The following ATM variants were observed in gnomAD, a reference collection of about 807,000 sequenced individuals.
ATM encodes the protein ATM serine/threonine kinase, also known as serine-protein kinase ATM.
A neutral mutation model predicts 387.0 loss-of-function variants in ATM; 308 were observed. The observed-to-expected ratio is 0.80, with a 90% confidence interval of 0.73 to 0.87. ATM has a LOEUF of 0.87. Ranked by LOEUF, ATM falls within the 40% of genes least tolerant of loss-of-function variation. ATM has a pLI of 0.00. For synonymous variants in ATM, 1,156 were observed against 1,187.3 expected, an observed-to-expected ratio of 0.97 and a Z score of 0.54; for missense variants, 3,312 against 3,560.9, an observed-to-expected ratio of 0.93 and a Z score of 1.78.
Position 108,250,834 on chromosome 11 carries a change from C to G in ATM, c.1369C>G (p.Arg457Gly), listed in dbSNP as rs749036865. Residue 457 changes from arginine (R) to glycine (G), a missense_variant, in exon 10 of 63, where the codon CGA (arginine) becomes GGA (glycine). Physicochemically the swap from Arg to Gly is moderately radical, Grantham distance 125. This residue lies in a region of ATM where 1,791 missense variants were observed against 1,804.5 expected (regional missense o/e 0.99). Coordinates refer to ENST00000675843, the MANE Select transcript of ATM (RefSeq NM_000051.4). ...RHGERTPYVLRCLTEVALCQD... is the reference protein window; with the variant it reads ...RHGERTPYVLGCLTEVALCQD... ...TGGGGAACGTACACCATATGTGTTA[C>G]GATGCCTTACGGAAGTTGCATTGTG... is the stretch of plus-strand genomic sequence containing the variant. 1.2e-6 allele frequency: 2 copies of G among 1,614,072 alleles called. No homozygotes were observed. Among genetic ancestry groups the G allele is most frequent in the East Asian group, 2.2e-5 (1 of 44,886 alleles).
intron 17 of ATM, among the ~76,000 whole-genome samples, chr11:108,267,850 T>A (rs2081347798): frequency 6.6e-6 from 1 of 152,202 alleles, no homozygotes; most frequent in Admixed American, 6.5e-5. Context: ...AGAGCGAGAC[T>A]CCGTCTCAAA....
chr11:108,343,105 A>G (rs1375256754), intron 56 of ATM, 117 bp from the exon 57 acceptor site: 15 of 1,311,090 alleles, frequency 1.1e-5, no homozygotes, highest in Non-Finnish European at 1.6e-5. Flanking sequence ...CTATGGACAG[A>G]GAAATATTAA....
intron 32 of ATM, chr11:108,295,267 T>C (rs1299368940): frequency 4.9e-6 from 3 of 609,126 alleles, no homozygotes; most frequent in African/African-American, 1.9e-5. Context: ...CTCTGCCAGA[T>C]GATTTCTCTA....
intron 32 of ATM, chr11:108,295,434 C>T: frequency 4.1e-6 from 1 of 242,900 alleles, no homozygotes; most frequent in Non-Finnish European, 8.0e-6. Context: ...ACAAGGAATT[C>T]TCCTGTCTCA....
intron 57 of ATM, 103 bp from the exon 58 acceptor site, chr11:108,345,640 T>C (rs1445509638): frequency 3.1e-6 from 3 of 959,758 alleles, no homozygotes; most frequent in Non-Finnish European, 4.5e-6. Flanking sequence ...ATCCTGTTCA[T>C]CTTTATTGCC....
chr11:108,329,486 C>T (rs565208715), intron 49 of ATM, among the ~76,000 whole-genome samples: 17 of 152,066 alleles, frequency 1.1e-4, no homozygotes, highest in African/African-American at 3.6e-4. Flanking sequence ...TGTACTCCAG[C>T]TCACTGCAAC....
chr11:108,272,360 C>G (rs1285050708), intron 20 of ATM, among the ~76,000 whole-genome samples, 172 bp from the exon 21 acceptor site: 1 of 152,118 alleles, frequency 6.6e-6, no homozygotes, highest in African/African-American at 2.4e-5. Flanking sequence ...ACACTAATTT[C>G]TTTTAGCTTG....
chr11:108,366,888 A>G lies in ATM; in HGVS notation c.*1380A>G, dbSNP rs2137986301. The G allele has an allele frequency of 4.4e-6, 1 of 228,348 alleles. No homozygotes were observed. Among genetic ancestry groups the G allele is most frequent in the South Asian group, 1.8e-4 (1 of 5,514 alleles). The allele number at this position is 228,348 out of a possible 1,614,324, so 14.1% of individuals were successfully genotyped here. On this transcript the variant is annotated 3_prime_UTR_variant, in exon 63 of 63. Transcript: ENST00000675843. ...GCAAGCCCTGGGTTCTTTGCTCCCC[A>G]TATAGATGTCTAAGCTAAAAGCCGT...
At chr11:108,245,685 C>G (rs4987923) in intron 7 of ATM, among the ~76,000 whole-genome samples, 1,886 of 152,162 alleles carry the variant, frequency 0.012, 19 homozygotes, top group Non-Finnish European at 0.021. Context: ...GGAGTTTCCT[C>G]TTGCTCTGTC....
At chr11:108,268,373 C>G (rs367589897) in intron 17 of ATM, 37 bp from the exon 18 acceptor site, 86 of 1,590,628 alleles carry the variant, frequency 5.4e-5, no homozygotes, top group Non-Finnish European at 7.1e-5. Flanking sequence ...GCTGTTGTGC[C>G]CTTCTCTTAG....
Position 108,249,218 on chromosome 11 carries a change from C to CCAAACCTATTA in ATM, c.1235+118_1235+128dup, listed in dbSNP as rs2080010259. ...CCAGAACTAAGTCATTTGTCTACCC[C>CCAAACCTATTA]CAAACCTATTACTAGCAAAGGGATA... is the stretch of plus-strand genomic sequence containing the variant. On this transcript the variant is annotated intron_variant, in intron 9 of 62. Transcript: ENST00000675843. 2.5e-6 allele frequency: 3 copies of CCAAACCTATTA among 1,190,512 alleles called. No individual in the cohort carries two copies. In the Admixed American group the frequency reaches 5.3e-5, roughly 21 times the overall value. 73.7% of individuals were successfully genotyped at this position (1,190,512 alleles called of 1,614,324 possible). A position where few individuals can be genotyped will look rare whatever the true frequency, so the allele number is the denominator to read the frequency against.
intron 61 of ATM, among the ~76,000 whole-genome samples, chr11:108,360,294 G>T (rs1463654776): frequency 6.6e-6 from 1 of 152,054 alleles, no homozygotes; most frequent in Non-Finnish European, 1.5e-5. Context: ...TGAAATTGTG[G>T]CAATAATCAA....
At chr11:108,276,896 C>T (rs1300705321) in intron 22 of ATM, among the ~76,000 whole-genome samples, 1 of 152,186 alleles carries the variant, frequency 6.6e-6, no homozygotes, top group Non-Finnish European at 1.5e-5. Flanking sequence ...GAGCGCTGTG[C>T]TGGGAGATCC....
At chr11:108,272,111 G>A (rs2081615429) in intron 20 of ATM, among the ~76,000 whole-genome samples, 4 of 152,176 alleles carry the variant, frequency 2.6e-5, no homozygotes, top group Non-Finnish European at 4.4e-5. Context: ...CTGACCTCAA[G>A]TGATCTGCCC....
intron 48 of ATM, 50 bp from the exon 49 acceptor site, chr11:108,328,971 T>A (rs762458404): frequency 6.6e-7 from 1 of 1,514,206 alleles, no homozygotes; most frequent in Admixed American, 1.7e-5. Context: ...ATTCTTTAGA[T>A]GTATTTAGTA....
At chr11:108,288,501 CTT>C (rs35604622) in intron 27 of ATM, among the ~76,000 whole-genome samples, 12 of 126,676 alleles carry the variant, frequency 9.5e-5, no homozygotes, top group African/African-American at 9.1e-5. Context: ...ATATGCTTTA[CTT>C]TTTTTTTTTT....
At chr11:108,301,837 A>T in intron 35 of ATM, 48 bp downstream of exon 35, 4 of 1,597,148 alleles carry the variant, frequency 2.5e-6, no homozygotes, top group Non-Finnish European at 3.4e-6. Context: ...TATCTAAAAC[A>T]GTTCTGTTTG....
rs1472521711 is a variant in ATM, at chr11:108,251,119, G to C, written c.1607+47G>C. The C allele has an allele frequency of 5.0e-6, 8 of 1,608,936 alleles. No homozygotes were observed. In the African/African-American group the frequency reaches 8.0e-5, roughly 16 times the overall value. On this transcript the variant is annotated intron_variant, in intron 10 of 62. Coordinates refer to ENST00000675843, the MANE Select transcript of ATM (RefSeq NM_000051.4). ...TCTGACTTACAGATAAACACACACA[G>C]ACACACACACACTCACATATCCCTG...
At chr11:108,233,258 A>G (rs1384926469) in intron 4 of ATM, among the ~76,000 whole-genome samples, 1 of 152,208 alleles carries the variant, frequency 6.6e-6, no homozygotes, top group Non-Finnish European at 1.5e-5. Flanking sequence ...GTTAAGTTCC[A>G]TAAGATTCCT....
Sources: gnomAD v4.1 joint callset for allele counts (sites outside exome capture counted in the v4.1 genomes callset) on GRCh38, gnomAD v4.1.1 for gene constraint, gnomAD v4.1.1 regional missense constraint, MANE v1.5 for transcripts, NCBI Gene and HGNC (gene_info 2026-07-23, HGNC 2026-07-21) for gene names.